GRB14: variants seen among roughly 807,000 people sequenced by gnomAD.
The protein encoded by GRB14 is growth factor receptor-bound protein 14.
Under a neutral mutation model 69.1 loss-of-function variants are expected in GRB14, and 38 were observed. That is an observed-to-expected ratio of 0.55 (90% CI 0.42 to 0.72). GRB14 has a LOEUF of 0.72. GRB14 is among the 30% of genes least tolerant of loss of function. The pLI is 0.00. For synonymous variants in GRB14, 247 were observed against 241.3 expected, an observed-to-expected ratio of 1.02 and a Z score of -0.22; for missense variants, 666 against 666.1, an observed-to-expected ratio of 1.00 and a Z score of 0.00.
intron 2 of GRB14, among the ~76,000 whole-genome samples, chr2:164,593,439 T>A (rs1574340725): frequency 1.3e-5 from 2 of 152,268 alleles, no homozygotes; most frequent in African/African-American, 4.8e-5. Context: ...AAGACAATTT[T>A]AAAATGCCTT....
At chr2:164,553,421 G>A (rs964221232) in intron 2 of GRB14, among the ~76,000 whole-genome samples, 2 of 152,126 alleles carry the variant, frequency 1.3e-5, no homozygotes, top group Non-Finnish European at 2.9e-5. Context: ...AAAACCTGCT[G>A]AGAGAAAAAT....
At chr2:164,497,916 G>T (rs1305427492) in intron 9 of GRB14, among the ~76,000 whole-genome samples, 1 of 152,128 alleles carries the variant, frequency 6.6e-6, no homozygotes, top group African/African-American at 2.4e-5. Flanking sequence ...AGATCCGTCA[G>T]TCATCAATTA....
rs1377489984 is a variant in GRB14 at position 164,527,018 on chromosome 2, G to A, written c.599C>T (p.Pro200Leu). The change falls in exon 4 of 14, where the codon CCA becomes CTA. Residue 200 changes from proline to leucine, a missense_variant. Pro to Leu is a moderately conservative substitution (Grantham distance 98, BLOSUM62 -3). Transcript: ENST00000263915. Reference sequence around the variant, plus strand: ...ATTAGGAGGGATTTCACTTACCATTGGGTTTTTAAAGAACTCATATTTGGC... The same window carrying A: ...ATTAGGAGGGATTTCACTTACCATTAGGTTTTTAAAGAACTCATATTTGGC... ...NYAKYEFFKNPMYFFPEHMVS... is the reference protein window; with the variant it reads ...NYAKYEFFKNLMYFFPEHMVS... The A allele has an allele frequency of 6.3e-7, 1 of 1,583,398 alleles. No homozygotes were observed.
intron 2 of GRB14, among the ~76,000 whole-genome samples, chr2:164,587,595 A>G (rs1559063152): frequency 6.6e-6 from 1 of 152,170 alleles, no homozygotes; most frequent in African/African-American, 2.4e-5. Flanking sequence ...CATACTACAT[A>G]CTAACAAATA....
At chr2:164,590,605 T>C (rs1409916550) in intron 2 of GRB14, among the ~76,000 whole-genome samples, 1 of 152,172 alleles carries the variant, frequency 6.6e-6, no homozygotes, top group African/African-American at 2.4e-5. Flanking sequence ...CAAATTGATA[T>C]TCAGTTTATG....
intron 2 of GRB14, 56 bp from the exon 3 acceptor site, chr2:164,547,872 A>G: frequency 7.8e-7 from 1 of 1,274,534 alleles, no homozygotes. Flanking sequence ...TGTTTTTAAT[A>G]AATTTTATTG....
intron 2 of GRB14, among the ~76,000 whole-genome samples, chr2:164,580,659 G>A (rs185930834): frequency 6.6e-6 from 1 of 151,248 alleles, no homozygotes; most frequent in Non-Finnish European, 1.5e-5. Flanking sequence ...AGCCAAGATT[G>A]TGCCACTGCA....
intron 2 of GRB14, among the ~76,000 whole-genome samples, chr2:164,564,666 A>G (rs557081030): frequency 6.6e-6 from 1 of 152,294 alleles, no homozygotes; most frequent in South Asian, 2.1e-4. Context: ...GCTTATGAAC[A>G]TCTCCTGTAA....
intron 2 of GRB14, among the ~76,000 whole-genome samples, chr2:164,603,889 T>C (rs73030003): frequency 0.015 from 2,212 of 152,196 alleles, 46 homozygotes; most frequent in African/African-American, 0.051. Context: ...CAATACCATA[T>C]AAAGGATTCT....
At chr2:164,512,554 G>A (rs1687367552) in intron 6 of GRB14, among the ~76,000 whole-genome samples, 1 of 152,206 alleles carries the variant, frequency 6.6e-6, no homozygotes, top group South Asian at 2.1e-4. Context: ...CTGCCCTGAG[G>A]GAAGGACACA....
At chr2:164,588,277 T>G (rs979774306) in intron 2 of GRB14, among the ~76,000 whole-genome samples, 1 of 152,192 alleles carries the variant, frequency 6.6e-6, no homozygotes, top group East Asian at 1.9e-4. Context: ...GGGAAAGAAA[T>G]GCAGAAATGT....
intron 2 of GRB14, among the ~76,000 whole-genome samples, chr2:164,579,106 T>C (rs1689327894): frequency 6.6e-6 from 1 of 152,186 alleles, no homozygotes; most frequent in Admixed American, 6.5e-5. Flanking sequence ...ATCCTATACT[T>C]CTATATAAAT....
At chr2:164,515,353 G>C (rs1687454299) in intron 6 of GRB14, among the ~76,000 whole-genome samples, 1 of 152,178 alleles carries the variant, frequency 6.6e-6, no homozygotes, top group Admixed American at 6.5e-5. Flanking sequence ...TGGTATCCAT[G>C]GCTGAGAGAC....
At chr2:164,593,934 A>G (rs1304674231) in intron 2 of GRB14, among the ~76,000 whole-genome samples, 2 of 152,228 alleles carry the variant, frequency 1.3e-5, no homozygotes, top group Non-Finnish European at 2.9e-5. Flanking sequence ...TATTAACTAC[A>G]GGAAAAACAG....
At chr2:164,508,891 C>A in intron 6 of GRB14, 39 bp from the exon 7 acceptor site, 1 of 1,372,026 alleles carries the variant, frequency 7.3e-7, no homozygotes, top group Non-Finnish European at 9.9e-7. Flanking sequence ...CATATTTTTG[C>A]ATTATCTTTT....
intron 2 of GRB14, among the ~76,000 whole-genome samples, chr2:164,583,805 A>G (rs993170544): frequency 1.3e-5 from 2 of 152,194 alleles, no homozygotes; most frequent in African/African-American, 4.8e-5. Flanking sequence ...TCATTTCTTC[A>G]TAGATTTTCT....
chr2:164,502,383 G>T, intron 8 of GRB14, 48 bp from the exon 9 acceptor site: 2 of 977,364 alleles, frequency 2.0e-6, no homozygotes, highest in South Asian at 1.4e-5. Flanking sequence ...TTACTACTCT[G>T]ATAATCTATG....
chr2:164,524,992 A>G lies in GRB14; in HGVS notation c.678+12T>C, dbSNP rs1215401990. The G allele has an allele frequency of 6.8e-7, 1 of 1,475,416 alleles. No homozygotes were observed. The highest frequency in any genetic ancestry group is 1.4e-5 in the African/African-American group (1 of 70,486). The allele number at this position is 1,475,416 out of a possible 1,614,324, so 91.4% of individuals were successfully genotyped here. A position where few individuals can be genotyped will look rare whatever the true frequency, so the allele number is the denominator to read the frequency against. ...GCTATTATTTATATATGTTAATAAA[A>G]ATATATTTTACCTGCAAAATCTGTG... On this transcript the variant is annotated intron_variant, in intron 5 of 13. Coordinates refer to ENST00000263915, the MANE Select transcript of GRB14 (RefSeq NM_004490.3).
chr2:164,578,465 T>A, intron 2 of GRB14, among the ~76,000 whole-genome samples: 2 of 140,490 alleles, frequency 1.4e-5, no homozygotes. Flanking sequence ...AATGAAAAGT[T>A]TAAAAAAACC....
Sources: gnomAD v4.1 joint callset for allele counts (sites outside exome capture counted in the v4.1 genomes callset) on GRCh38, gnomAD v4.1.1 for gene constraint, MANE v1.5 for transcripts, NCBI Gene and HGNC (gene_info 2026-07-23, HGNC 2026-07-21) for gene names.